Variants in PRKCE observed in about 807,000 individuals in gnomAD.
PRKCE encodes protein kinase C epsilon type.
Under a neutral mutation model 85.4 loss-of-function variants are expected in PRKCE, and 16 were observed. The ratio of observed to expected loss-of-function variants is 0.19; its 90% CI spans 0.13 to 0.28. The LOEUF (loss-of-function observed/expected upper bound fraction) is 0.28, where lower values mean the gene tolerates loss of function less well. Among genes scored for constraint, PRKCE ranks in the 10% least tolerant of loss-of-function variants. The probability of loss-of-function intolerance (pLI) is 1.00; values close to 1 mark genes in which losing one functional copy is unlikely to be tolerated. For synonymous variants in PRKCE, 388 were observed against 371.5 expected, an observed-to-expected ratio of 1.04 and a Z score of -0.51; for missense variants, 573 against 975.2, an observed-to-expected ratio of 0.59 and a Z score of 5.49.
intron 1 of PRKCE, among the ~76,000 whole-genome samples, chr2:45,777,049 G>A (rs887625385): frequency 2.0e-5 from 3 of 152,114 alleles, no homozygotes; most frequent in African/African-American, 4.8e-5. Context: ...GAAGAATAAC[G>A]TGAGTTCCCA....
At chr2:45,861,723 CACT>C (rs140127170) in intron 2 of PRKCE, among the ~76,000 whole-genome samples, 3,206 of 152,280 alleles carry the variant, frequency 0.021, 49 homozygotes, top group Middle Eastern at 0.041. Flanking sequence ...AGGTTTACTT[CACT>C]GATGAACCTG....
At chr2:45,773,833 G>A (rs536458957) in intron 1 of PRKCE, among the ~76,000 whole-genome samples, 24 of 152,250 alleles carry the variant, frequency 1.6e-4, no homozygotes, top group South Asian at 1.5e-3. Context: ...AGAAGCCCAC[G>A]AAGTATACCC....
intron 2 of PRKCE, among the ~76,000 whole-genome samples, chr2:45,926,850 A>C (rs930952760): frequency 6.6e-6 from 1 of 152,198 alleles, no homozygotes; most frequent in African/African-American, 2.4e-5. Flanking sequence ...TGGTGTGTGC[A>C]TGTGTGAGTG....
At chr2:45,754,091 G>T (rs1683807379) in intron 1 of PRKCE, among the ~76,000 whole-genome samples, 1 of 152,198 alleles carries the variant, frequency 6.6e-6, no homozygotes, top group Non-Finnish European at 1.5e-5. Flanking sequence ...GGCGTAGGGG[G>T]ATCTGCAGTG....
At chr2:46,112,790 G>T (rs1004795728) in intron 11 of PRKCE, among the ~76,000 whole-genome samples, 2 of 152,012 alleles carry the variant, frequency 1.3e-5, no homozygotes, top group African/African-American at 2.4e-5. Context: ...AAAGTGCTGG[G>T]GTTACAGGTG....
At chr2:45,704,114 G>A (rs1678913751) in intron 1 of PRKCE, among the ~76,000 whole-genome samples, 1 of 152,208 alleles carries the variant, frequency 6.6e-6, no homozygotes, top group South Asian at 2.1e-4. Context: ...AAAGGGTCAA[G>A]GAAGGCATGG....
chr2:46,039,039 C>T lies in PRKCE; in HGVS notation c.1437+28522C>T, dbSNP rs186043167. Among the ~76,000 whole-genome samples the T allele has an allele frequency of 2.8e-3, 427 of 152,210 alleles. 1 individual carries two copies. Among genetic ancestry groups the T allele is most frequent in the Non-Finnish European group, 4.0e-3 (269 of 68,024 alleles). On this transcript the variant is annotated intron_variant, in intron 10 of 14. Coordinates refer to ENST00000306156, the MANE Select transcript of PRKCE (RefSeq NM_005400.3). ...GCAATTTAGCGTGGTAGTAAGAATA[C>T]GGCTTTAATGGCTAACGTAGTTGAG... is the stretch of plus-strand genomic sequence containing the variant.
intron 2 of PRKCE, among the ~76,000 whole-genome samples, chr2:45,872,110 A>T (rs1294512867): frequency 6.6e-6 from 1 of 152,172 alleles, no homozygotes; most frequent in Non-Finnish European, 1.5e-5. Flanking sequence ...AGTTGTTAAT[A>T]ATTTATAACT....
intron 1 of PRKCE, among the ~76,000 whole-genome samples, chr2:45,789,668 C>T (rs947418217): frequency 3.3e-5 from 5 of 152,148 alleles, no homozygotes; most frequent in African/African-American, 1.2e-4. Flanking sequence ...GGATTCTCAA[C>T]CCTCAGCCCT....
intron 11 of PRKCE, among the ~76,000 whole-genome samples, chr2:46,136,475 G>T (rs1675015585): frequency 6.6e-6 from 1 of 152,108 alleles, no homozygotes; most frequent in Admixed American, 6.5e-5. Flanking sequence ...GAGGTGCAGG[G>T]TAAAGAAAAC....
chr2:45,677,331 G>T (rs1205289475), intron 1 of PRKCE, among the ~76,000 whole-genome samples: 15 of 108,578 alleles, frequency 1.4e-4, no homozygotes, highest in Non-Finnish European at 2.2e-4. Flanking sequence ...TTTTTTTTTT[G>T]TTTTTTTTTT....
intron 2 of PRKCE, among the ~76,000 whole-genome samples, chr2:45,972,656 G>C (rs1702184191): frequency 6.6e-6 from 1 of 152,234 alleles, no homozygotes; most frequent in Non-Finnish European, 1.5e-5. Flanking sequence ...AAAAGGTAAG[G>C]ATCCAGTTTC....
chr2:46,104,680 G>T (rs576348589), intron 11 of PRKCE, among the ~76,000 whole-genome samples: 2 of 152,240 alleles, frequency 1.3e-5, no homozygotes, highest in African/African-American at 4.8e-5. Flanking sequence ...GTTCCAGATG[G>T]CCAGGGATAT....
chr2:46,037,237 G>A lies in PRKCE; in HGVS notation c.1437+26720G>A, dbSNP rs77592979. On this transcript the variant is annotated intron_variant, in intron 10 of 14. Coordinates refer to ENST00000306156, the MANE Select transcript of PRKCE (RefSeq NM_005400.3). ...GAACCACTGGAATCCCACAGACTGG[G>A]GTGGACAGCTATTCTTATGAAAAGT... is the stretch of plus-strand genomic sequence containing the variant. Among the ~76,000 whole-genome samples, 394 of 152,308 alleles carry A rather than the reference G, an allele frequency of 2.6e-3. 8 individuals carry two copies. Among genetic ancestry groups the A allele is most frequent in the East Asian group, 0.022 (113 of 5,188 alleles).
intron 12 of PRKCE, 56 bp from the exon 13 acceptor site, chr2:46,150,985 G>T: frequency 6.6e-7 from 1 of 1,510,520 alleles, no homozygotes; most frequent in Non-Finnish European, 9.0e-7. Flanking sequence ...CGTAGCACGG[G>T]TGTCACTGGG....
At chr2:46,036,539 A>C (rs534118178) in intron 10 of PRKCE, among the ~76,000 whole-genome samples, 20 of 152,238 alleles carry the variant, frequency 1.3e-4, no homozygotes, top group African/African-American at 4.8e-4. Flanking sequence ...GCAGTGAGCC[A>C]TGATCGCGCC....
intron 11 of PRKCE, among the ~76,000 whole-genome samples, chr2:46,086,827 G>T (rs549434584): frequency 6.6e-6 from 1 of 152,298 alleles, no homozygotes; most frequent in Non-Finnish European, 1.5e-5. Flanking sequence ...GGGACTGGGG[G>T]TTTATGATCT....
chr2:45,777,272 G>A (rs145329532), intron 1 of PRKCE, among the ~76,000 whole-genome samples: 35 of 152,238 alleles, frequency 2.3e-4, no homozygotes, highest in African/African-American at 7.9e-4. Flanking sequence ...TGTTGATAGA[G>A]GGTGAGTTTT....
At chr2:45,716,686 GA>G (rs1229059417) in intron 1 of PRKCE, among the ~76,000 whole-genome samples, 28,270 of 122,310 alleles carry the variant, frequency 0.23, 3,116 homozygotes, top group East Asian at 0.32. Flanking sequence ...AGAAGAAGAA[GA>G]AGAGAAGGAA....
Sources: gnomAD v4.1 joint callset for allele counts (sites outside exome capture counted in the v4.1 genomes callset) on GRCh38, gnomAD v4.1.1 for gene constraint, MANE v1.5 for transcripts, NCBI Gene and HGNC (gene_info 2026-07-23, HGNC 2026-07-21) for gene names.